MECOM: variants seen among roughly 807,000 people sequenced by gnomAD.
MECOM encodes the protein histone-lysine N-methyltransferase MECOM.
A neutral mutation model predicts 116.3 loss-of-function variants in MECOM; 13 were observed. That is an observed-to-expected ratio of 0.11 (90% CI 0.07 to 0.18). The LOEUF (loss-of-function observed/expected upper bound fraction) is 0.18. MECOM is among the 10% of genes least tolerant of loss of function. The pLI is 1.00. For missense variants in MECOM, 1,299 were observed against 1,509.0 expected (o/e 0.86, Z 2.31); for synonymous variants, 528 against 535.2 (o/e 0.99, Z 0.19).
intron 2 of MECOM, among the ~76,000 whole-genome samples, chr3:169,270,681 G>C (rs999024596): frequency 6.6e-6 from 1 of 151,986 alleles, no homozygotes; most frequent in Non-Finnish European, 1.5e-5. Context: ...TAGGGTTTTT[G>C]TTGTTGTCAT....
At chr3:169,418,436 G>A (rs1739102377) in intron 1 of MECOM, among the ~76,000 whole-genome samples, 1 of 152,142 alleles carries the variant, frequency 6.6e-6, no homozygotes, top group Non-Finnish European at 1.5e-5. Flanking sequence ...ACCTGGTAGA[G>A]ACACAACAAA....
At chr3:169,145,143 A>AACACAC (rs67598122) in intron 2 of MECOM, 54 of 513,236 alleles carry the variant, frequency 1.1e-4, no homozygotes, top group Middle Eastern at 7.3e-4. Context: ...GATATTATTA[A>AACACAC]ACACACACAC....
chr3:169,295,743 G>T (rs1233773491), intron 2 of MECOM, among the ~76,000 whole-genome samples: 2 of 152,112 alleles, frequency 1.3e-5, no homozygotes, highest in East Asian at 3.8e-4. Context: ...TGGGTAAATT[G>T]TACCAGGGAC....
intron 2 of MECOM, among the ~76,000 whole-genome samples, chr3:169,349,976 T>G (rs1418486532): frequency 6.6e-6 from 1 of 151,994 alleles, no homozygotes; most frequent in Admixed American, 6.6e-5. Context: ...TCAATTAATA[T>G]ATCTACTTAT....
intron 1 of MECOM, among the ~76,000 whole-genome samples, chr3:169,469,935 C>T (rs1000079826): frequency 2.0e-5 from 3 of 152,122 alleles, no homozygotes; most frequent in African/African-American, 7.2e-5. Flanking sequence ...AACCAGAGAA[C>T]GTGGTCATCA....
At chr3:169,111,125 AG>A (rs1727244636) in intron 9 of MECOM, among the ~76,000 whole-genome samples, 1 of 152,188 alleles carries the variant, frequency 6.6e-6, no homozygotes. Context: ...TGAATTTCAA[AG>A]TGGATAGAAA....
At chr3:169,660,139 G>GC (rs1487805060) in intron 1 of MECOM, among the ~76,000 whole-genome samples, 5 of 152,150 alleles carry the variant, frequency 3.3e-5, no homozygotes, top group African/African-American at 1.2e-4. Context: ...CAGGACCATA[G>GC]CAACTGGCAT....
chr3:169,348,086 T>A (rs1725674846), intron 2 of MECOM, among the ~76,000 whole-genome samples: 1 of 152,044 alleles, frequency 6.6e-6, no homozygotes, highest in African/African-American at 2.4e-5. Flanking sequence ...AAAAAAAATA[T>A]TTCTAGCAAC....
chr3:169,455,387 A>C (rs945487838), intron 1 of MECOM, among the ~76,000 whole-genome samples: 1 of 152,230 alleles, frequency 6.6e-6, no homozygotes, highest in Non-Finnish European at 1.5e-5. Context: ...CTTTGGGGAA[A>C]AGTGTAGTAG....
At chr3:169,603,176 T>C (rs1048120503) in intron 1 of MECOM, among the ~76,000 whole-genome samples, 6 of 152,212 alleles carry the variant, frequency 3.9e-5, no homozygotes, top group African/African-American at 1.4e-4. Context: ...AAAATGTCTG[T>C]CACTTAAGTG....
At chr3:169,347,237 G>T (rs1725510249) in intron 2 of MECOM, among the ~76,000 whole-genome samples, 1 of 151,944 alleles carries the variant, frequency 6.6e-6, no homozygotes, top group Admixed American at 6.6e-5. Flanking sequence ...TACTTCATGG[G>T]GGGGCAGTTA....
intron 2 of MECOM, among the ~76,000 whole-genome samples, chr3:169,339,837 C>T (rs1166806373): frequency 6.6e-6 from 1 of 152,114 alleles, no homozygotes; most frequent in East Asian, 1.9e-4. Flanking sequence ...TTGTCTTTAT[C>T]ACATGTGATT....
At chr3:169,210,807 T>C (rs1320412463) in intron 2 of MECOM, among the ~76,000 whole-genome samples, 1 of 152,176 alleles carries the variant, frequency 6.6e-6, no homozygotes, top group Admixed American at 6.6e-5. Context: ...TTGATTATTA[T>C]AGATTAATTT....
Position 169,116,263 on chromosome 3 carries a change from C to G in MECOM, c.1609G>C (p.Ala537Pro). 3 of 1,614,170 alleles carry G rather than the reference C, an allele frequency of 1.9e-6. No homozygotes were observed. The highest frequency in any genetic ancestry group is 2.5e-6 in the Non-Finnish European group (3 of 1,180,028). Residue 537 changes from alanine to proline, a missense_variant, in exon 8 of 17, where the codon GCT becomes CCT. Ala to Pro is a conservative substitution (Grantham distance 27). Transcript: ENST00000651503. ...AGTGCCTTCAAAATATCCTGTGTAG[C>G]TGGCAGTATCTGAGGATGTGTCATG... ...PLMTHPQILPATQDILKALSK... is the reference protein window; with the variant it reads ...PLMTHPQILPPTQDILKALSK...
intron 2 of MECOM, among the ~76,000 whole-genome samples, chr3:169,150,742 T>C (rs1741055825): frequency 6.6e-6 from 1 of 152,232 alleles, no homozygotes; most frequent in Admixed American, 6.5e-5. Context: ...GATCTGTTAA[T>C]TGTTGTTTAC....
intron 1 of MECOM, among the ~76,000 whole-genome samples, chr3:169,488,632 C>T (rs1485114791): frequency 6.6e-6 from 1 of 151,760 alleles, no homozygotes; most frequent in African/African-American, 2.4e-5. Flanking sequence ...TATTTAACCA[C>T]AAAGAAAGCA....
intron 2 of MECOM, among the ~76,000 whole-genome samples, chr3:169,160,492 T>G (rs1742677393): frequency 6.7e-6 from 1 of 149,508 alleles, no homozygotes; most frequent in South Asian, 2.1e-4. Flanking sequence ...CTTTTAGTTA[T>G]TTTTAAATGT....
intron 1 of MECOM, among the ~76,000 whole-genome samples, chr3:169,515,095 CAAGCGGA>C (rs1345922686): frequency 7.2e-5 from 11 of 152,214 alleles, no homozygotes; most frequent in African/African-American, 2.6e-4. Context: ...TAGGGAGCTC[CAAGCGGA>C]GCTCCCACCC....
At chr3:169,581,116 T>G (rs1765072820) in intron 1 of MECOM, among the ~76,000 whole-genome samples, 1 of 152,180 alleles carries the variant, frequency 6.6e-6, no homozygotes, top group African/African-American at 2.4e-5. Context: ...ACACAGAGGC[T>G]ATGCTCACAT....
Sources: gnomAD v4.1 joint callset for allele counts (sites outside exome capture counted in the v4.1 genomes callset) on GRCh38, gnomAD v4.1.1 for gene constraint, MANE v1.5 for transcripts, NCBI Gene and HGNC (gene_info 2026-07-23, HGNC 2026-07-21) for gene names.